MCUR1: variants seen among roughly 807,000 people sequenced by gnomAD.
MCUR1 encodes the protein MCU regulator 1.
MCUR1 carries 37 observed loss-of-function variants against 42.0 expected under a neutral mutation model. The observed-to-expected ratio is 0.88, with a 90% CI of 0.68 to 1.16. The LOEUF (loss-of-function observed/expected upper bound fraction) is 1.16. Among genes scored for constraint, MCUR1 ranks in the 50% most tolerant of loss-of-function variants. MCUR1 has a pLI of 0.00. For missense variants in MCUR1, 469 were observed against 468.4 expected (o/e 1.00, Z -0.01); for synonymous variants, 229 against 196.2 (o/e 1.17, Z -1.40).
chr6:13,800,544 C>A (rs984457422), intron 4 of MCUR1, among the ~76,000 whole-genome samples, 162 bp from the exon 5 acceptor site: 3 of 152,204 alleles, frequency 2.0e-5, no homozygotes, highest in Non-Finnish European at 2.9e-5. Context: ...ATCTTGAAAT[C>A]AGTTTGAATT....
At chr6:13,800,311 C>T (rs762407034) in intron 5 of MCUR1, 30 bp downstream of exon 5, 1 of 1,492,624 alleles carries the variant, frequency 6.7e-7, no homozygotes, top group Non-Finnish European at 9.2e-7. Flanking sequence ...TAATTACAAA[C>T]CAGCCAACAA....
chr6:13,802,285 G>T lies in MCUR1; in HGVS notation c.597C>A (p.Asn199Lys), dbSNP rs949511293. Reference protein sequence around the residue: ...VSALVKILEANMDIVYKDMVT... With the variant: ...VSALVKILEAKMDIVYKDMVT... ...CCATATCTTTGTAGACGATGTCCAT[G>T]TTGGCCTCCAGGATCTTGACCAATG... Residue 199 changes from asparagine (N) to lysine (K), a missense_variant, in exon 3 of 9, where the codon AAC (asparagine) becomes AAA (lysine). By Grantham distance (94) the Asn-to-Lys change is moderately conservative. Transcript: ENST00000379170. 6.2e-7 allele frequency: 1 copy of T among 1,613,962 alleles called. No homozygotes were observed. The highest frequency in any genetic ancestry group is 8.5e-7 in the Non-Finnish European group (1 of 1,179,900).
Position 13,814,297 on chromosome 6 carries a change from G to C in MCUR1, c.133C>G (p.Leu45Val), listed in dbSNP as rs542578640. The change falls in exon 1 of 9, where the codon CTC becomes GTC. Residue 45 changes from leucine to valine, a missense_variant. By Grantham distance (32) the Leu-to-Val change is conservative. Transcript: ENST00000379170. ...ETSARRCLSA[L>V]SDGLGALRPR... ...CGCAGCGCCCCCAGACCGTCGGAGA[G>C]CGCAGAGAGGCAGCGGCGTGCTGAG... 8.0e-4 allele frequency: 1,197 copies of C among 1,502,432 alleles called. No individual in the cohort carries two copies. Among genetic ancestry groups the C allele is most frequent in the Admixed American group, 1.5e-3 (70 of 47,922 alleles). 93.1% of individuals were successfully genotyped at this position (1,502,432 alleles called of 1,614,324 possible).
rs538616565 is a variant in MCUR1 at position 13,803,122 on chromosome 6, C to A, written c.536-776G>T. Among the ~76,000 whole-genome samples, 320 of 152,092 alleles carry A rather than the reference C, an allele frequency of 2.1e-3. 1 individual carries two copies. Among genetic ancestry groups the A allele is most frequent in the African/African-American group, 7.2e-3 (297 of 41,474 alleles). On this transcript the variant is annotated intron_variant, in intron 2 of 8. Coordinates refer to ENST00000379170, the MANE Select transcript of MCUR1 (RefSeq NM_001031713.4). The stretch of plus-strand genomic sequence containing the variant: ...TGTTGCCCAGGCTGGAGTGCAATGG[C>A]GCGATCTCAGCTCACAGCAACCTCC...
chr6:13,814,211 CAGG>C lies in MCUR1; in HGVS notation c.216_218del (p.Leu74del), dbSNP rs1760313111. The C allele has an allele frequency of 6.9e-7, 1 of 1,447,832 alleles. No individual in the cohort carries two copies. Among genetic ancestry groups the C allele is most frequent in the Non-Finnish European group, 9.0e-7 (1 of 1,108,480 alleles). 89.7% of individuals were successfully genotyped at this position (1,447,832 alleles called of 1,614,324 possible). A position where few individuals can be genotyped will look rare whatever the true frequency, so the allele number is the denominator to read the frequency against. ...CGGCCAAGCGCGGGGAGGGCACTAG[CAGG>C]AGGAGGAGCAGCGGTGAGGCACGTG... is the stretch of plus-strand genomic sequence containing the variant. On this transcript the variant is annotated inframe_deletion, in exon 1 of 9. Transcript: ENST00000379170.
At chr6:13,794,028 C>G in intron 6 of MCUR1, 81 bp from the exon 7 acceptor site, 1 of 1,261,952 alleles carries the variant, frequency 7.9e-7, no homozygotes, top group Non-Finnish European at 1.2e-6. Context: ...ATATTCTGGT[C>G]TCAGTACCTC....
intron 5 of MCUR1, 90 bp from the exon 6 acceptor site, chr6:13,798,994 C>T (rs1219559506): frequency 6.4e-6 from 5 of 779,412 alleles, no homozygotes; most frequent in Admixed American, 6.3e-5. Context: ...ACTGCCCCCA[C>T]TGTCCCTATC....
intron 5 of MCUR1, among the ~76,000 whole-genome samples, chr6:13,799,832 T>TC (rs1759949829): frequency 2.1e-5 from 3 of 140,632 alleles, no homozygotes; most frequent in African/African-American, 8.7e-5. Context: ...ATTTTCTTTT[T>TC]TTTTTTTTTT....
rs948912878 is a variant in MCUR1 at position 13,790,867 on chromosome 6, G to C, written c.1025-3C>G. On this transcript the variant is annotated splice_region_variant and splice_polypyrimidine_tract_variant and intron_variant, in intron 8 of 8. Transcript: ENST00000379170. ...TGTTAGGCACGTAAATATAGACCCT[G>C]TAAGAAAAAAACAATTGAGAGTACT... The C allele has an allele frequency of 6.2e-7, 1 of 1,603,104 alleles. No homozygotes were observed. Among genetic ancestry groups the C allele is most frequent in the African/African-American group, 1.3e-5 (1 of 74,398 alleles).
chr6:13,805,109 G>C (rs1760088453), intron 2 of MCUR1, among the ~76,000 whole-genome samples: 1 of 151,816 alleles, frequency 6.6e-6, no homozygotes, highest in African/African-American at 2.4e-5. Flanking sequence ...AAATAACCAT[G>C]GGTTAAGGTT....
chr6:13,800,500 C>T (rs182246280), intron 4 of MCUR1, 118 bp from the exon 5 acceptor site: 7 of 594,976 alleles, frequency 1.2e-5, no homozygotes, highest in African/African-American at 9.4e-5. Context: ...TTCAGAACAC[C>T]GTATTGATTG....
Position 13,798,887 on chromosome 6 carries a change from G to A in MCUR1, c.801C>T (p.Val267=). ...KQQVMDEVIK[V]RTDTKLDFNL... ...TGAAGTCTAATTTGGTATCTGTTCG[G>A]ACTTTGATCACTTCATCCTAAAAGG... is the stretch of plus-strand genomic sequence containing the variant. The change falls in exon 6 of 9, where the codon GTC becomes GTT. Residue 267 remains valine (V), a synonymous_variant. Transcript: ENST00000379170. The A allele has an allele frequency of 6.2e-7, 1 of 1,605,522 alleles. No individual in the cohort carries two copies. Among genetic ancestry groups the A allele is most frequent in the Non-Finnish European group, 8.5e-7 (1 of 1,172,852 alleles).
At chr6:13,801,480 C>G (rs1286650891) in intron 3 of MCUR1, 91 bp from the exon 4 acceptor site, 2 of 863,760 alleles carry the variant, frequency 2.3e-6, no homozygotes, top group East Asian at 5.0e-5. Flanking sequence ...ATTGAGAAAC[C>G]AGGACAATGT....
chr6:13,786,714 G>A lies in MCUR1; in HGVS notation c.*4095C>T, dbSNP rs923277698. The A allele has an allele frequency of 7.9e-5, 12 of 152,064 alleles. No individual in the cohort carries two copies. Among genetic ancestry groups the A allele is most frequent in the Non-Finnish European group, 1.5e-4 (10 of 68,012 alleles). 9.4% of individuals were successfully genotyped at this position (152,064 alleles called of 1,614,324 possible). On this transcript the variant is annotated 3_prime_UTR_variant, in exon 9 of 9. Coordinates refer to ENST00000379170, the MANE Select transcript of MCUR1 (RefSeq NM_001031713.4). The stretch of plus-strand genomic sequence containing the variant: ...ATATTCAATTTGAATGATCAGAAAA[G>A]TATATTAGTCACACAGAATTAAATA...
At chr6:13,805,923 T>C (rs912092736) in intron 2 of MCUR1, among the ~76,000 whole-genome samples, 1 of 152,188 alleles carries the variant, frequency 6.6e-6, no homozygotes, top group Non-Finnish European at 1.5e-5. Context: ...ATCTTTTATC[T>C]TAACAGCAAT....
At chr6:13,798,713 C>T in intron 6 of MCUR1, 120 bp downstream of exon 6, 1 of 648,040 alleles carries the variant, frequency 1.5e-6, no homozygotes. Context: ...TACAGCCTAA[C>T]ACTGATAAAC....
At chr6:13,793,281 G>T (rs1011167776) in intron 7 of MCUR1, among the ~76,000 whole-genome samples, 7 of 151,952 alleles carry the variant, frequency 4.6e-5, no homozygotes, top group Non-Finnish European at 1.0e-4. Flanking sequence ...ATACCCAAAA[G>T]AACTGAAAGC....
At chr6:13,796,326 C>T (rs1759854975) in intron 6 of MCUR1, among the ~76,000 whole-genome samples, 1 of 145,762 alleles carries the variant, frequency 6.9e-6, no homozygotes, top group Non-Finnish European at 1.5e-5. Flanking sequence ...CTCACTCTGT[C>T]ACCCAGGCTG....
At chr6:13,790,918 G>A (rs1175388387) in intron 8 of MCUR1, 54 bp from the exon 9 acceptor site, 1 of 1,334,438 alleles carries the variant, frequency 7.5e-7, no homozygotes, top group Non-Finnish European at 1.0e-6. Flanking sequence ...AGTTACTTGA[G>A]GGAACATCTT....
Sources: gnomAD v4.1 joint callset for allele counts (sites outside exome capture counted in the v4.1 genomes callset) on GRCh38, gnomAD v4.1.1 for gene constraint, MANE v1.5 for transcripts, NCBI Gene and HGNC (gene_info 2026-07-23, HGNC 2026-07-21) for gene names.